The following GRAMD1B variants were observed in gnomAD, a reference collection of about 807,000 sequenced individuals.
The protein encoded by GRAMD1B is protein Aster-B.
Under a neutral mutation model 99.7 loss-of-function variants are expected in GRAMD1B, and 37 were observed. That is an observed-to-expected ratio of 0.37 (90% confidence interval 0.29 to 0.49). GRAMD1B has a LOEUF of 0.49. GRAMD1B is among the 20% of genes least tolerant of loss of function. The pLI, the probability that GRAMD1B is intolerant of heterozygous loss-of-function variation, is 0.98. For synonymous variants in GRAMD1B, 427 were observed against 387.6 expected (o/e 1.10, Z -1.19); for missense variants, 888 against 1,009.2 (o/e 0.88, Z 1.63).
At chr11:123,386,335 A>G (rs886450224) in intron 1 of GRAMD1B, among the ~76,000 whole-genome samples, 2 of 150,710 alleles carry the variant, frequency 1.3e-5, no homozygotes, top group Admixed American at 1.3e-4. Context: ...ATCCAGGAAG[A>G]CCTCCTCAAG....
Position 123,595,924 on chromosome 11 carries a change from T to G in GRAMD1B, c.874-18T>G, listed in dbSNP as rs1951222093. 2 of 1,527,050 alleles carry G rather than the reference T, an allele frequency of 1.3e-6. No homozygotes were observed. Among genetic ancestry groups the G allele is most frequent in the African/African-American group, 2.7e-5 (2 of 73,438 alleles). 94.6% of individuals were successfully genotyped at this position (1,527,050 alleles called of 1,614,324 possible). On this transcript the variant is annotated intron_variant, in intron 6 of 19. Transcript: ENST00000635736. ...CCCACTTTGCTTGTTGCCCATTCTC[T>G]GTCCTCTTGGATGCCAGCTGACAGT...
chr11:123,440,733 G>T (rs188997092), intron 1 of GRAMD1B, among the ~76,000 whole-genome samples: 36 of 152,284 alleles, frequency 2.4e-4, no homozygotes, highest in Middle Eastern at 3.4e-3. Context: ...AAGAAGCATG[G>T]TGCCAGTATC....
intron 2 of GRAMD1B, among the ~76,000 whole-genome samples, chr11:123,486,132 C>A (rs1937728703): frequency 6.6e-6 from 1 of 152,194 alleles, no homozygotes; most frequent in African/African-American, 2.4e-5. Flanking sequence ...CATGAGAAAA[C>A]ATTCGTAAAG....
chr11:123,558,611 C>T lies in GRAMD1B; in HGVS notation c.453-18756C>T, dbSNP rs1037269592. 2.6e-5 allele frequency among the ~76,000 whole-genome samples: 4 copies of T among 152,190 alleles called. No homozygotes were observed. In the East Asian group the frequency reaches 7.7e-4, roughly 29 times the overall value. ...AAGCAATGCAACTCAGTTTTGGTTT[C>T]AGATCTGACTCTAGTCCAAGATCTT... On this transcript the variant is annotated intron_variant, in intron 2 of 19. Transcript: ENST00000635736.
At chr11:123,369,731 G>A (rs143219267) in intron 1 of GRAMD1B, among the ~76,000 whole-genome samples, 167 of 151,744 alleles carry the variant, frequency 1.1e-3, no homozygotes, top group Admixed American at 3.7e-3. Context: ...AATTAGCTGG[G>A]TGTGCTGGTG....
chr11:123,554,709 C>T (rs1945997812), intron 2 of GRAMD1B, among the ~76,000 whole-genome samples: 1 of 151,880 alleles, frequency 6.6e-6, no homozygotes, highest in Admixed American at 6.6e-5. Context: ...GACCCTGTCT[C>T]AAGAAGGAAA....
intron 2 of GRAMD1B, among the ~76,000 whole-genome samples, chr11:123,550,891 C>T (rs1231810243): frequency 6.6e-6 from 1 of 152,140 alleles, no homozygotes; most frequent in African/African-American, 2.4e-5. Context: ...TCAGTTTGGC[C>T]TTTCTCTTAA....
chr11:123,484,392 A>G (rs757145442), intron 2 of GRAMD1B, among the ~76,000 whole-genome samples: 6 of 152,082 alleles, frequency 3.9e-5, no homozygotes, highest in Non-Finnish European at 7.4e-5. Context: ...GGGACTTTAC[A>G]CTGATATAAA....
chr11:123,491,357 A>G (rs955592290), intron 2 of GRAMD1B, among the ~76,000 whole-genome samples: 2 of 152,058 alleles, frequency 1.3e-5, no homozygotes, highest in Admixed American at 6.6e-5. Context: ...GGCTCCGTCT[A>G]CCTGCTTGGC....
intron 9 of GRAMD1B, among the ~76,000 whole-genome samples, chr11:123,604,991 A>C (rs1171405295): frequency 2.6e-5 from 4 of 152,204 alleles, no homozygotes; most frequent in African/African-American, 9.7e-5. Context: ...AGAGGCTTCA[A>C]ATAGGATGGG....
intron 1 of GRAMD1B, among the ~76,000 whole-genome samples, chr11:123,448,174 T>C (rs1248989797): frequency 6.6e-6 from 1 of 151,896 alleles, no homozygotes; most frequent in African/African-American, 2.4e-5. Context: ...TGGCCCCAGG[T>C]TTCTTCTTAT....
intron 2 of GRAMD1B, among the ~76,000 whole-genome samples, chr11:123,494,340 C>T (rs1938956737): frequency 6.6e-6 from 1 of 151,974 alleles, no homozygotes; most frequent in South Asian, 2.1e-4. Context: ...GACCACCTCT[C>T]ACATGTTCCC....
At chr11:123,478,758 C>T (rs978135388) in intron 1 of GRAMD1B, among the ~76,000 whole-genome samples, 8 of 152,162 alleles carry the variant, frequency 5.3e-5, no homozygotes, top group African/African-American at 1.9e-4. Flanking sequence ...TCAAGTTTGA[C>T]CCCTGCTTTG....
intron 1 of GRAMD1B, among the ~76,000 whole-genome samples, chr11:123,380,653 C>T (rs1392914302): frequency 6.6e-6 from 1 of 152,252 alleles, no homozygotes; most frequent in East Asian, 1.9e-4. Context: ...TGCTGCCCAC[C>T]GCCGTTTCAA....
chr11:123,534,576 G>A (rs567496394), intron 2 of GRAMD1B, among the ~76,000 whole-genome samples: 10 of 152,118 alleles, frequency 6.6e-5, no homozygotes, highest in Non-Finnish European at 1.2e-4. Flanking sequence ...CAAGAGAGAC[G>A]AGCAGGCCTG....
At chr11:123,458,561 A>AC (rs1441129100) in intron 1 of GRAMD1B, 1 of 152,144 alleles carries the variant, frequency 6.6e-6, no homozygotes, top group Admixed American at 6.5e-5. Context: ...CCTAAAATTA[A>AC]CCATCACAAT....
chr11:123,603,005 G>A (rs563808165), intron 8 of GRAMD1B, among the ~76,000 whole-genome samples: 1 of 152,236 alleles, frequency 6.6e-6, no homozygotes, highest in East Asian at 1.9e-4. Context: ...AGTGTGGTGG[G>A]GCACCGGGTC....
intron 2 of GRAMD1B, among the ~76,000 whole-genome samples, chr11:123,494,061 A>G (rs554046812): frequency 7.2e-5 from 11 of 152,270 alleles, no homozygotes; most frequent in South Asian, 4.1e-4. Flanking sequence ...TGTCTCCCCA[A>G]CTAGTCCCTA....
At chr11:123,475,144 G>A (rs1428377305) in intron 1 of GRAMD1B, among the ~76,000 whole-genome samples, 1 of 152,170 alleles carries the variant, frequency 6.6e-6, no homozygotes, top group Non-Finnish European at 1.5e-5. Flanking sequence ...GGTTTAGTCT[G>A]TACTTTCTGC....
Sources: gnomAD v4.1 joint callset for allele counts (sites outside exome capture counted in the v4.1 genomes callset) on GRCh38, gnomAD v4.1.1 for gene constraint, MANE v1.5 for transcripts, NCBI Gene and HGNC (gene_info 2026-07-23, HGNC 2026-07-21) for gene names.